DIPK2B: variants seen among roughly 807,000 people sequenced by gnomAD.
DIPK2B encodes divergent protein kinase domain 2B, also known as UPF0672 protein CXorf36.
In DIPK2B, 15 loss-of-function variants were observed where a neutral mutation model predicts 22.2. The ratio of observed to expected loss-of-function variants is 0.68; its 90% CI spans 0.45 to 1.04. DIPK2B has a LOEUF of 1.04. Ranked by LOEUF, DIPK2B falls within the 50% of genes least tolerant of loss-of-function variation. The pLI is 0.00. For synonymous variants in DIPK2B, 163 were observed against 153.2 expected (o/e 1.06, Z -0.47); for missense variants, 345 against 348.3 (o/e 0.99, Z 0.08).
At chrX:45,189,485 C>G (rs942224424) in intron 2 of DIPK2B, among the ~76,000 whole-genome samples, 7 of 111,345 alleles carry the variant, frequency 6.3e-5, no homozygotes, top group Non-Finnish European at 1.3e-4. Flanking sequence ...GTGGTGGCGG[C>G]ACCTGTAATC....
chrX:45,181,612 G>T (rs1479256151), intron 2 of DIPK2B, among the ~76,000 whole-genome samples: 2 of 111,566 alleles, frequency 1.8e-5, no homozygotes, highest in Non-Finnish European at 3.8e-5. Context: ...AGGAAAGAAT[G>T]GTTTTTCTAA....
At chrX:45,163,677 G>A (rs1243290724) in intron 2 of DIPK2B, 1 of 754,664 alleles carries the variant, frequency 1.3e-6, no homozygotes, top group Non-Finnish European at 1.6e-6. Context: ...TACTTAAAAA[G>A]TAAAAGAGGT....
At chrX:45,187,048 T>G (rs1486285165) in intron 2 of DIPK2B, among the ~76,000 whole-genome samples, 2 of 112,194 alleles carry the variant, frequency 1.8e-5, no homozygotes, top group Non-Finnish European at 3.8e-5. Context: ...CCAATCATCC[T>G]CGTTTAAACA....
intron 2 of DIPK2B, among the ~76,000 whole-genome samples, chrX:45,179,086 C>G (rs2047134774): frequency 9.0e-6 from 1 of 111,319 alleles, no homozygotes; most frequent in Non-Finnish European, 1.9e-5. Flanking sequence ...ATATTTTTGA[C>G]AACACCTGGA....
At chrX:45,154,291 CT>C (rs1356281934) in intron 3 of DIPK2B, 93 bp from the exon 4 acceptor site, 10 of 588,619 alleles carry the variant, frequency 1.7e-5, no homozygotes, top group African/African-American at 2.6e-5. Context: ...ATCTATCTAT[CT>C]ATCTATCTAT....
chrX:45,185,362 T>G (rs1352210568), intron 2 of DIPK2B, among the ~76,000 whole-genome samples: 2 of 111,507 alleles, frequency 1.8e-5, no homozygotes, highest in African/African-American at 6.5e-5. Flanking sequence ...ATGCCTTGAT[T>G]TTTTAAAAAA....
At chrX:45,197,136 A>G (rs1468157018) in intron 1 of DIPK2B, among the ~76,000 whole-genome samples, 1 of 111,164 alleles carries the variant, frequency 9.0e-6, no homozygotes, top group East Asian at 2.8e-4. Context: ...TAGCATTTCA[A>G]CCAAACAACT....
chrX:45,164,443 C>A (rs1224725627), intron 2 of DIPK2B, among the ~76,000 whole-genome samples: 1 of 111,349 alleles, frequency 9.0e-6, no homozygotes, highest in Non-Finnish European at 1.9e-5. Flanking sequence ...ATGCTCCTGG[C>A]CAGGTGTGGT....
At position 45,170,721 on chromosome X, in the gene DIPK2B, C is replaced by G. The variant is rs796893142; in HGVS notation, c.499-12833G>C. 3.6e-5 allele frequency among the ~76,000 whole-genome samples: 4 copies of G among 112,463 alleles called. No homozygotes were observed. The South Asian group carries it at 1.1e-3, about 31-fold the overall frequency. On this transcript the variant is annotated intron_variant, in intron 2 of 4. Transcript: ENST00000398000. ...CCAGGGTAAATGCCAGCCTGAGACA[C>G]CCTTTGGGAGCCAAAAGAAAGGATG...
intron 2 of DIPK2B, among the ~76,000 whole-genome samples, chrX:45,171,477 G>A (rs1335352401): frequency 9.0e-6 from 1 of 111,302 alleles, no homozygotes; most frequent in Non-Finnish European, 1.9e-5. Flanking sequence ...TCTGGTGCCT[G>A]CTCAAGTGTG....
chrX:45,154,273 A>G (rs2046978152), intron 3 of DIPK2B, 75 bp from the exon 4 acceptor site: 2 of 848,324 alleles, frequency 2.4e-6, no homozygotes, highest in Non-Finnish European at 3.2e-6. Flanking sequence ...ATCTCTATCT[A>G]TCTCCCTATC....
chrX:45,151,592 C>G lies in DIPK2B; in HGVS notation c.*60G>C, dbSNP rs1311618332. The G allele has an allele frequency of 3.7e-6, 4 of 1,077,528 alleles. No individual in the cohort carries two copies. Among genetic ancestry groups the G allele is most frequent in the Non-Finnish European group, 5.0e-6 (4 of 796,284 alleles). The allele number at this position is 1,077,528 out of a possible 1,213,427, so 88.8% of individuals were successfully genotyped here. A position where few individuals can be genotyped will look rare whatever the true frequency, so the allele number is the denominator to read the frequency against. ...CTGCTTCTTTCTACCTTGCAGCAAC[C>G]CGACTGGGAGAATGGAGAGCCAAGC... On this transcript the variant is annotated 3_prime_UTR_variant, in exon 5 of 5. Coordinates refer to ENST00000398000, the MANE Select transcript of DIPK2B (RefSeq NM_176819.4).
At chrX:45,179,201 T>C (rs1022851179) in intron 2 of DIPK2B, among the ~76,000 whole-genome samples, 1 of 111,244 alleles carries the variant, frequency 9.0e-6, no homozygotes. Context: ...CAAAGAATGA[T>C]CCAGCTCAAA....
At chrX:45,160,653 G>A (rs967239818) in intron 2 of DIPK2B, among the ~76,000 whole-genome samples, 2 of 112,072 alleles carry the variant, frequency 1.8e-5, no homozygotes, top group Admixed American at 1.9e-4. Flanking sequence ...CTTGAGAGGA[G>A]AGAGAATGTG....
rs1311618332 is a variant in DIPK2B at position 45,151,592 on chromosome X, C to A, written c.*60G>T. ...CTGCTTCTTTCTACCTTGCAGCAAC[C>A]CGACTGGGAGAATGGAGAGCCAAGC... On this transcript the variant is annotated 3_prime_UTR_variant, in exon 5 of 5. Coordinates refer to ENST00000398000, the MANE Select transcript of DIPK2B (RefSeq NM_176819.4). 3 of 1,079,050 alleles carry A rather than the reference C, an allele frequency of 2.8e-6. No individual in the cohort carries two copies. The highest frequency in any genetic ancestry group is 3.8e-6 in the Non-Finnish European group (3 of 796,514). 88.9% of individuals were successfully genotyped at this position (1,079,050 alleles called of 1,213,427 possible). A position where few individuals can be genotyped will look rare whatever the true frequency, so the allele number is the denominator to read the frequency against.
chrX:45,168,606 C>T (rs2047061840), intron 2 of DIPK2B, among the ~76,000 whole-genome samples: 1 of 112,284 alleles, frequency 8.9e-6, no homozygotes, highest in Non-Finnish European at 1.9e-5. Context: ...GGAATGTTCT[C>T]TCAGGAGCAG....
In DIPK2B at chrX:45,170,630, C is replaced by G. The variant is rs777713451; in HGVS notation, c.499-12742G>C. ...TAGCACCTTGTAGAAAGTTCATACT[C>G]AATACAGTGTTGTTAAATCAGAGGA... On this transcript the variant is annotated intron_variant, in intron 2 of 4. Coordinates refer to ENST00000398000, the MANE Select transcript of DIPK2B (RefSeq NM_176819.4). 3.6e-5 allele frequency among the ~76,000 whole-genome samples: 4 copies of G among 112,236 alleles called. No individual in the cohort carries two copies. The South Asian group carries it at 1.5e-3, about 41-fold the overall frequency.
chrX:45,174,320 A>G (rs1271824190), intron 2 of DIPK2B, among the ~76,000 whole-genome samples: 1 of 112,084 alleles, frequency 8.9e-6, no homozygotes, highest in Non-Finnish European at 1.9e-5. Flanking sequence ...TACTTTGTAT[A>G]AGGTGTTGGA....
At chrX:45,154,647 G>A (rs981589750) in intron 3 of DIPK2B, among the ~76,000 whole-genome samples, 50 of 111,409 alleles carry the variant, frequency 4.5e-4, no homozygotes, top group African/African-American at 1.5e-3. Flanking sequence ...AATGTTAATG[G>A]ACTTGCCACA....
Sources: allele counts gnomAD v4.1 joint callset (sites outside exome capture counted in the v4.1 genomes callset), GRCh38; gene constraint gnomAD v4.1.1; transcripts MANE v1.5; gene names NCBI Gene and HGNC (gene_info 2026-07-23, HGNC 2026-07-21).